IQSEC1: variants seen among roughly 807,000 people sequenced by gnomAD.
IQSEC1 encodes the protein IQ motif and SEC7 domain-containing protein 1.
In IQSEC1, 31 loss-of-function variants were observed where a neutral mutation model predicts 91.0. The observed-to-expected ratio is 0.34, with a 90% CI of 0.26 to 0.46. IQSEC1 has a LOEUF of 0.46. Among genes scored for constraint, IQSEC1 ranks in the 20% least tolerant of loss-of-function variants. IQSEC1 has a pLI of 1.00. For synonymous variants in IQSEC1, 699 were observed against 662.6 expected, an observed-to-expected ratio of 1.05 and a Z score of -0.84; for missense variants, 1,388 against 1,575.6, an observed-to-expected ratio of 0.88 and a Z score of 2.02.
chr3:13,263,168 T>C (rs60291595), intron 1 of IQSEC1, among the ~76,000 whole-genome samples: 2,111 of 152,144 alleles, frequency 0.014, 48 homozygotes, highest in African/African-American at 0.048. Context: ...GAGAATCTCT[T>C]GAGCCTCGGA....
intron 1 of IQSEC1, among the ~76,000 whole-genome samples, chr3:13,066,227 C>T (rs1051906512): frequency 6.6e-6 from 1 of 152,094 alleles, no homozygotes; most frequent in Non-Finnish European, 1.5e-5. Context: ...AACATGTGGT[C>T]GATCTGCACA....
intron 1 of IQSEC1, among the ~76,000 whole-genome samples, chr3:13,224,519 C>A (rs975579145): frequency 2.0e-5 from 3 of 152,102 alleles, no homozygotes; most frequent in Non-Finnish European, 2.9e-5. Context: ...CTCAGCCAAT[C>A]CACTTTTCCT....
At chr3:13,165,825 T>C (rs1420749289) in intron 1 of IQSEC1, among the ~76,000 whole-genome samples, 1 of 152,066 alleles carries the variant, frequency 6.6e-6, no homozygotes, top group Admixed American at 6.6e-5. Flanking sequence ...TGTTCCTGCA[T>C]TTCTGACCTC....
rs79124058 is a variant in IQSEC1 at position 13,100,525 on chromosome 3, G to A, written c.303-53003C>T. 4.0e-3 allele frequency among the ~76,000 whole-genome samples: 599 copies of A among 148,684 alleles called. 81 individuals carry two copies. The highest frequency in any genetic ancestry group is 0.012 in the African/African-American group (482 of 39,432). On this transcript the variant is annotated intron_variant, in intron 2 of 15. Transcript: ENST00000648114. ...CTTCCTGAACACCTCCTTGAGCTCC[G>A]CCTCTTGCAGCTAGAGTTGGGACAG...
Position 13,256,272 on chromosome 3 carries a change from A to G in IQSEC1, c.272+26439T>C, listed in dbSNP as rs113482121. On this transcript the variant is annotated intron_variant, in intron 1 of 15. Transcript: ENST00000648114. ...ACGACATGTTCCCACATTCTTCTGT[A>G]CACGGTGATCTGCGGTACTGAATGC... Among the ~76,000 whole-genome samples, 1,013 of 152,330 alleles carry G rather than the reference A, an allele frequency of 6.7e-3. 7 individuals are homozygous for G. Among genetic ancestry groups the G allele is most frequent in the African/African-American group, 0.023 (958 of 41,568 alleles).
rs1706480648 is a variant in IQSEC1, at chr3:13,124,665, A to T, written c.302+39439T>A. On this transcript the variant is annotated intron_variant, in intron 2 of 15. Transcript: ENST00000648114. ...CTGCCACATGTTAAGAGCTCAAGAA[A>T]GGGCACTGGCGGGACTGTCATTATT... Among the ~76,000 whole-genome samples, 3 of 152,140 alleles carry T rather than the reference A, an allele frequency of 2.0e-5. No individual in the cohort carries two copies. In the South Asian group the frequency reaches 6.2e-4, roughly 32 times the overall value.
chr3:13,122,668 C>G (rs1260864032), intron 2 of IQSEC1, among the ~76,000 whole-genome samples: 1 of 152,128 alleles, frequency 6.6e-6, no homozygotes, highest in Non-Finnish European at 1.5e-5. Flanking sequence ...GCACAGGCCC[C>G]GGGAAGGGAC....
chr3:13,181,000 G>A (rs577629635), intron 1 of IQSEC1, among the ~76,000 whole-genome samples: 7 of 152,294 alleles, frequency 4.6e-5, no homozygotes, highest in East Asian at 3.9e-4. Context: ...GGCTGGGCGC[G>A]GTGGCTCATG....
chr3:12,915,806 C>T (rs1331341175), intron 6 of IQSEC1, 73 bp from the exon 7 acceptor site: 2 of 1,565,024 alleles, frequency 1.3e-6, no homozygotes, highest in Non-Finnish European at 1.7e-6. Context: ...TAAAGCAAAT[C>T]AGAGGAGCGA....
At chr3:13,041,833 G>A (rs1258749588) in intron 1 of IQSEC1, among the ~76,000 whole-genome samples, 7 of 152,296 alleles carry the variant, frequency 4.6e-5, no homozygotes, top group East Asian at 1.9e-4. Flanking sequence ...ACTGAACTTC[G>A]GGCTCCTGAT....
intron 2 of IQSEC1, among the ~76,000 whole-genome samples, chr3:13,158,762 G>C (rs1184090747): frequency 1.3e-5 from 2 of 152,110 alleles, no homozygotes; most frequent in Non-Finnish European, 2.9e-5. Context: ...AGGAGTTCAA[G>C]TTCAGCCTGG....
intron 1 of IQSEC1, among the ~76,000 whole-genome samples, chr3:13,030,861 C>T (rs1367219888): frequency 6.6e-6 from 1 of 152,260 alleles, no homozygotes; most frequent in Non-Finnish European, 1.5e-5. Flanking sequence ...GTGGGATTCG[C>T]CTTACAACTC....
chr3:13,233,743 C>T (rs1216927424), intron 1 of IQSEC1, among the ~76,000 whole-genome samples: 2 of 152,184 alleles, frequency 1.3e-5, no homozygotes, highest in Non-Finnish European at 2.9e-5. Context: ...CCTTGAGAAA[C>T]AGGTCCAGAG....
At chr3:12,981,841 GT>G (rs2125589072) in intron 1 of IQSEC1, among the ~76,000 whole-genome samples, 1 of 152,290 alleles carries the variant, frequency 6.6e-6, no homozygotes, top group Non-Finnish European at 1.5e-5. Flanking sequence ...CAGGAGCCGG[GT>G]GAGACCAGCC....
chr3:13,236,052 C>T (rs572706763), intron 1 of IQSEC1, among the ~76,000 whole-genome samples: 4 of 152,222 alleles, frequency 2.6e-5, no homozygotes, highest in Admixed American at 6.5e-5. Flanking sequence ...TGGGGCCTTA[C>T]GAGATAGATG....
At chr3:13,106,808 T>G (rs1280622969) in intron 2 of IQSEC1, among the ~76,000 whole-genome samples, 1 of 152,246 alleles carries the variant, frequency 6.6e-6, no homozygotes, top group East Asian at 1.9e-4. Flanking sequence ...CGATTGTTTT[T>G]GGAAGATATC....
chr3:12,904,904 C>T (rs528731521), intron 12 of IQSEC1, among the ~76,000 whole-genome samples: 2 of 152,304 alleles, frequency 1.3e-5, no homozygotes, highest in East Asian at 3.9e-4. Context: ...CCTTACCCTG[C>T]CCAACTTGGG....
chr3:13,235,058 G>A (rs1203072070), intron 1 of IQSEC1, among the ~76,000 whole-genome samples: 1 of 152,202 alleles, frequency 6.6e-6, no homozygotes, highest in Admixed American at 6.5e-5. Context: ...TAGCGAGGTG[G>A]GCTGGCTTCG....
At chr3:13,210,856 C>A (rs1694430832) in intron 1 of IQSEC1, among the ~76,000 whole-genome samples, 1 of 152,212 alleles carries the variant, frequency 6.6e-6, no homozygotes, top group Admixed American at 6.5e-5. Context: ...ACGCCATCCA[C>A]ATGGAGGGCA....
Sources: allele counts gnomAD v4.1 joint callset (sites outside exome capture counted in the v4.1 genomes callset), GRCh38; gene constraint gnomAD v4.1.1; transcripts MANE v1.5; gene names NCBI Gene and HGNC (gene_info 2026-07-23, HGNC 2026-07-21).